Variants in MAP3K7 observed in about 807,000 individuals in gnomAD.
MAP3K7 encodes TGF-beta activated kinase 1.
Under a neutral mutation model 84.8 loss-of-function variants are expected in MAP3K7, and 21 were observed. The observed-to-expected ratio is 0.25, with a 90% CI of 0.18 to 0.36. The LOEUF (loss-of-function observed/expected upper bound fraction) is 0.36. Ranked by LOEUF, MAP3K7 falls within the 10% of genes least tolerant of loss-of-function variation. The probability of loss-of-function intolerance (pLI) is 1.00; values close to 1 mark genes in which losing one functional copy is unlikely to be tolerated. For missense variants in MAP3K7, 503 were observed against 747.7 expected (o/e 0.67, Z 3.82); for synonymous variants, 241 against 247.7 (o/e 0.97, Z 0.25).
intron 1 of MAP3K7, 111 bp downstream of exon 1, chr6:90,586,653 C>G: frequency 7.0e-7 from 1 of 1,428,278 alleles, no homozygotes; most frequent in African/African-American, 1.5e-5. Context: ...GTGGACCCCG[C>G]AGGGTCCCGC....
At chr6:90,575,185 A>G (rs553128296) in intron 1 of MAP3K7, among the ~76,000 whole-genome samples, 1 of 152,324 alleles carries the variant, frequency 6.6e-6, no homozygotes, top group Admixed American at 6.5e-5. Flanking sequence ...AAGAAAAAAT[A>G]TATATAAAGA....
chr6:90,564,208 A>C (rs1289585019), intron 3 of MAP3K7, among the ~76,000 whole-genome samples: 1 of 152,242 alleles, frequency 6.6e-6, no homozygotes, highest in Non-Finnish European at 1.5e-5. Context: ...GATCAAATTC[A>C]CACATAACAA....
At chr6:90,585,610 A>T (rs1002316599) in intron 1 of MAP3K7, among the ~76,000 whole-genome samples, 1 of 152,212 alleles carries the variant, frequency 6.6e-6, no homozygotes, top group South Asian at 2.1e-4. Flanking sequence ...ATATATATGC[A>T]GTTTTTACTT....
In MAP3K7 at chr6:90,514,434, C is replaced by CT. The variant is rs1378802432; in HGVS notation, c.*2066_*2067insA. ...AAGGAACTTACTGTAAACAAACAAGCAACTGTTCAACAGCCTCTTGCATTT... is the reference window on the plus strand; with the variant it reads ...AAGGAACTTACTGTAAACAAACAAGCTAACTGTTCAACAGCCTCTTGCATTT... On this transcript the variant is annotated 3_prime_UTR_variant, in exon 17 of 17. Coordinates refer to ENST00000369329, the MANE Select transcript of MAP3K7 (RefSeq NM_145331.3). The CT allele has an allele frequency of 2.0e-5, 3 of 152,114 alleles. No individual in the cohort carries two copies. In the South Asian group the frequency reaches 6.2e-4, roughly 32 times the overall value. 9.4% of individuals were successfully genotyped at this position (152,114 alleles called of 1,614,324 possible).
intron 3 of MAP3K7, 123 bp downstream of exon 3, chr6:90,568,435 A>C: frequency 1.4e-6 from 1 of 693,104 alleles, no homozygotes; most frequent in East Asian, 2.8e-5. Context: ...TTATCTTGAA[A>C]AAATATAATA....
At chr6:90,566,278 G>A (rs1435852992) in intron 3 of MAP3K7, among the ~76,000 whole-genome samples, 5 of 151,788 alleles carry the variant, frequency 3.3e-5, no homozygotes, top group Admixed American at 3.3e-4. Context: ...CAAATTGTCC[G>A]TTTGCAGATG....
In MAP3K7 at chr6:90,552,174, G is replaced by A. The variant is rs976691872; in HGVS notation, c.742C>T (p.Arg248Ter). The A allele has an allele frequency of 3.7e-6, 6 of 1,606,194 alleles. No homozygotes were observed. Among genetic ancestry groups the A allele is most frequent in the Non-Finnish European group, 5.1e-6 (6 of 1,173,862 alleles). ...RIMWAVHNGT[R>*]PPLIKNLPKP... ...GGTAAATTTTTTATCAGTGGTGGTC[G>A]AGTACCTACAATTGAAAATGAGAGG... The change falls in exon 8 of 17, where the codon CGA becomes TGA. Residue 248 changes from arginine (R) to a stop codon, truncating the protein, a stop_gained. Transcript: ENST00000369329. LOFTEE classifies it high-confidence loss of function.
At chr6:90,542,877 C>T (rs1436846733) in intron 12 of MAP3K7, among the ~76,000 whole-genome samples, 1 of 152,006 alleles carries the variant, frequency 6.6e-6, no homozygotes, top group Non-Finnish European at 1.5e-5. Context: ...GGATGTTTAG[C>T]AGCATCCCTG....
intron 12 of MAP3K7, among the ~76,000 whole-genome samples, chr6:90,539,076 C>T (rs1185007358): frequency 6.6e-6 from 1 of 151,926 alleles, no homozygotes; most frequent in Non-Finnish European, 1.5e-5. Context: ...GCATGATACA[C>T]TAGCATTACA....
intron 1 of MAP3K7, among the ~76,000 whole-genome samples, chr6:90,572,537 T>C (rs994832555): frequency 1.3e-5 from 2 of 150,948 alleles, no homozygotes; most frequent in Non-Finnish European, 3.0e-5. Flanking sequence ...AGTAAATGAG[T>C]AGCTGGTATC....
chr6:90,586,861 G>A lies in MAP3K7; in HGVS notation c.23C>T (p.Ser8Phe), dbSNP rs552731765. MSTASAA[S>F]SSSSSSAGEM... ...ACCGGCCGAAGACGAGGAGGAGGAGGAGGCGGCAGAGGCTGTAGACATGAT... is the reference window on the plus strand; with the variant it reads ...ACCGGCCGAAGACGAGGAGGAGGAGAAGGCGGCAGAGGCTGTAGACATGAT... The change falls in exon 1 of 17, where the codon TCC becomes TTC. Residue 8 changes from serine (S) to phenylalanine (F), a missense_variant. Transcript: ENST00000369329. 3.1e-6 allele frequency: 5 copies of A among 1,610,998 alleles called. No homozygotes were observed. Among genetic ancestry groups the A allele is most frequent in the African/African-American group, 1.3e-5 (1 of 74,690 alleles).
intron 1 of MAP3K7, among the ~76,000 whole-genome samples, chr6:90,586,056 T>C (rs1292140149): frequency 6.6e-6 from 1 of 152,190 alleles, no homozygotes; most frequent in Non-Finnish European, 1.5e-5. Context: ...AAGTCGAATA[T>C]AATACAATCT....
At chr6:90,542,293 A>G in intron 12 of MAP3K7, 2 of 983,950 alleles carry the variant, frequency 2.0e-6, no homozygotes, top group South Asian at 9.4e-5. Context: ...ACTAGTGTCA[A>G]TTCTACAGCT....
intron 13 of MAP3K7, among the ~76,000 whole-genome samples, chr6:90,531,878 C>T (rs1013322412): frequency 7.3e-5 from 11 of 151,322 alleles, no homozygotes; most frequent in Non-Finnish European, 1.3e-4. Context: ...ATCACTTGAA[C>T]TCAGGAGGCA....
intron 4 of MAP3K7, 143 bp downstream of exon 4, chr6:90,561,479 T>A: frequency 1.9e-6 from 1 of 536,892 alleles, no homozygotes; most frequent in Non-Finnish European, 3.3e-6. Flanking sequence ...TTTCCATTTT[T>A]ATTCTTAGCA....
chr6:90,565,589 A>G (rs1776674690), intron 3 of MAP3K7, among the ~76,000 whole-genome samples: 1 of 152,166 alleles, frequency 6.6e-6, no homozygotes, highest in African/African-American at 2.4e-5. Flanking sequence ...CCAAACAAAA[A>G]AAGTCCAGGA....
At chr6:90,583,955 T>C (rs1295409977) in intron 1 of MAP3K7, among the ~76,000 whole-genome samples, 2 of 152,218 alleles carry the variant, frequency 1.3e-5, no homozygotes, top group African/African-American at 4.8e-5. Context: ...AAACTAATAC[T>C]ACTGAGTTAC....
intron 13 of MAP3K7, among the ~76,000 whole-genome samples, chr6:90,525,381 G>A (rs993254997): frequency 6.6e-6 from 1 of 151,952 alleles, no homozygotes; most frequent in African/African-American, 2.4e-5. Context: ...GTAGAAATGG[G>A]TCTTACTATG....
intron 13 of MAP3K7, among the ~76,000 whole-genome samples, chr6:90,525,510 T>A (rs1775293680): frequency 6.6e-6 from 1 of 151,772 alleles, no homozygotes; most frequent in Non-Finnish European, 1.5e-5. Flanking sequence ...ATTTATATGC[T>A]GTACATACAA....
Sources: allele counts gnomAD v4.1 joint callset (sites outside exome capture counted in the v4.1 genomes callset), GRCh38; gene constraint gnomAD v4.1.1; transcripts MANE v1.5; gene names NCBI Gene and HGNC (gene_info 2026-07-23, HGNC 2026-07-21).